Variants in APMAP observed in about 807,000 individuals in gnomAD.
The protein encoded by APMAP is adipocyte plasma membrane associated protein.
Under a neutral mutation model 43.6 loss-of-function variants are expected in APMAP, and 33 were observed. That is an observed-to-expected ratio of 0.76 (90% confidence interval 0.57 to 1.01). The LOEUF (loss-of-function observed/expected upper bound fraction) is 1.01. APMAP is among the 50% of genes least tolerant of loss of function. The pLI is 0.00. For missense variants in APMAP, 498 were observed against 540.7 expected (o/e 0.92, Z 0.78); for synonymous variants, 224 against 216.7 (o/e 1.03, Z -0.30).
At chr20:24,981,392 G>A (rs991399362) in intron 2 of APMAP, among the ~76,000 whole-genome samples, 1 of 152,216 alleles carries the variant, frequency 6.6e-6, no homozygotes, top group South Asian at 2.1e-4. Flanking sequence ...CAACTGCAGA[G>A]AAGTGACCCA....
Position 24,975,502 on chromosome 20 carries a change from T to A in APMAP, c.329-1765A>T, listed in dbSNP as rs112863740. Among the ~76,000 whole-genome samples, 930 of 152,324 alleles carry A rather than the reference T, an allele frequency of 6.1e-3. 15 individuals are homozygous for A. Among genetic ancestry groups the A allele is most frequent in the African/African-American group, 0.022 (906 of 41,582 alleles). ...GAGGTCTATATGAGGAAAACTAGAA[T>A]ATTCTGATGAAAGAAATCAAAGAAC... On this transcript the variant is annotated intron_variant, in intron 3 of 8. Transcript: ENST00000217456.
intron 1 of APMAP, among the ~76,000 whole-genome samples, chr20:24,988,426 A>T (rs1023223350): frequency 6.6e-6 from 1 of 152,236 alleles, no homozygotes; most frequent in Non-Finnish European, 1.5e-5. Flanking sequence ...CCAAACAAAA[A>T]GTCCAGCCAG....
chr20:24,969,368 T>C (rs560049130), intron 7 of APMAP, among the ~76,000 whole-genome samples, 158 bp downstream of exon 7: 1 of 152,238 alleles, frequency 6.6e-6, no homozygotes, highest in East Asian at 1.9e-4. Flanking sequence ...CGACTCGCAA[T>C]GGGAGAAAGA....
chr20:24,966,242 C>A (rs1039831933), intron 8 of APMAP, among the ~76,000 whole-genome samples: 13 of 152,248 alleles, frequency 8.5e-5, no homozygotes, highest in Non-Finnish European at 2.9e-5. Context: ...AGAAGCCACA[C>A]TGAAGGGGCT....
rs763091157 is a variant in APMAP, at chr20:24,970,416, T to C, written c.539-45A>G. 7.1e-6 allele frequency: 11 copies of C among 1,546,882 alleles called. No homozygotes were observed. In the South Asian group the frequency reaches 1.3e-4, roughly 18 times the overall value. On this transcript the variant is annotated intron_variant, in intron 5 of 8. Transcript: ENST00000217456. The stretch of plus-strand genomic sequence containing the variant: ...AAAAAGATTGACTTGAACTAGGAAC[T>C]TCTCAATAATTGCAAAATATTAACC...
intron 2 of APMAP, among the ~76,000 whole-genome samples, chr20:24,980,860 G>A (rs1047460059): frequency 2.7e-4 from 41 of 152,044 alleles, no homozygotes; most frequent in African/African-American, 9.4e-4. Context: ...AGCTTCGCTC[G>A]GCCTCCATCA....
At position 24,968,971 on chromosome 20, in the gene APMAP, G is replaced by A. The variant is rs140655194; in HGVS notation, c.962C>T (p.Ser321Leu). The A allele has an allele frequency of 9.3e-6, 15 of 1,613,932 alleles. No homozygotes were observed. Among genetic ancestry groups the A allele is most frequent in the African/African-American group, 6.7e-5 (5 of 74,980 alleles). Residue 321 changes from serine (S) to leucine (L), a missense_variant, in exon 8 of 9, where the codon TCG becomes TTG. By Grantham distance (145) the Ser-to-Leu change is moderately radical. Transcript: ENST00000217456. ...AAACCCAGGGTTAGGGCGGATGGTC[G>A]ACATGCCCACCCAGTACCCCCCAGA... ...SSSGGYWVGM[S>L]TIRPNPGFSM...
chr20:24,971,593 A>T lies in APMAP; in HGVS notation c.422-17T>A, dbSNP rs1216406547. On this transcript the variant is annotated splice_polypyrimidine_tract_variant and intron_variant, in intron 4 of 8. Coordinates refer to ENST00000217456, the MANE Select transcript of APMAP (RefSeq NM_020531.3). The stretch of plus-strand genomic sequence containing the variant: ...CTCGGGTTTCTAGAAAAACAAACAG[A>T]TGGGGATTGGTAGCTGGTCCCGGAT... 4 of 1,601,584 alleles carry T rather than the reference A, an allele frequency of 2.5e-6. No individual in the cohort carries two copies. The Admixed American group carries it at 5.0e-5, about 20-fold the overall frequency.
chr20:24,989,902 C>A (rs1415071417), intron 1 of APMAP, among the ~76,000 whole-genome samples: 4 of 152,158 alleles, frequency 2.6e-5, no homozygotes, highest in African/African-American at 9.7e-5. Flanking sequence ...GGAAAATGGA[C>A]CTAGCAGACT....
chr20:24,966,267 A>T (rs1157480247), intron 8 of APMAP, among the ~76,000 whole-genome samples: 3 of 152,246 alleles, frequency 2.0e-5, no homozygotes, highest in Non-Finnish European at 4.4e-5. Flanking sequence ...CTGGCCACAG[A>T]TGGGTAATTT....
At chr20:24,968,590 G>A (rs1006408634) in intron 8 of APMAP, among the ~76,000 whole-genome samples, 3 of 149,020 alleles carry the variant, frequency 2.0e-5, no homozygotes, top group African/African-American at 7.3e-5. Context: ...CCAGAGCCAC[G>A]ATGGTGAGGG....
Position 24,969,590 on chromosome 20 carries a change from C to T in APMAP, c.784G>A (p.Val262Ile), listed in dbSNP as rs1297695380. The change falls in exon 7 of 9, where the codon GTC becomes ATC. Residue 262 changes from valine (V) to isoleucine (I), a missense_variant. Physicochemically the swap from Val to Ile is conservative, Grantham distance 29. Transcript: ENST00000217456. ...AAGTCTTCTGCAGGAGACAGCTGGA[C>T]TCCATTCGGGAACCGCAGCTGGTCC... ...LLDQLRFPNGVQLSPAEDFVL... is the reference protein window; with the variant it reads ...LLDQLRFPNGIQLSPAEDFVL... 6.2e-7 allele frequency: 1 copy of T among 1,614,000 alleles called. No individual in the cohort carries two copies. The highest frequency in any genetic ancestry group is 8.5e-7 in the Non-Finnish European group (1 of 1,179,986).
intron 4 of APMAP, among the ~76,000 whole-genome samples, chr20:24,972,369 G>T (rs1275236245): frequency 3.4e-5 from 5 of 148,328 alleles, no homozygotes; most frequent in African/African-American, 1.3e-4. Context: ...ATTGCAGGGT[G>T]TTCACTGTGA....
intron 3 of APMAP, among the ~76,000 whole-genome samples, chr20:24,975,625 T>A (rs919401262): frequency 1.3e-5 from 2 of 152,116 alleles, no homozygotes; most frequent in Admixed American, 6.5e-5. Flanking sequence ...TTCAATGCAA[T>A]CCCAATCAAA....
At chr20:24,965,642 G>C in intron 8 of APMAP, among the ~76,000 whole-genome samples, 1 of 152,250 alleles carries the variant, frequency 6.6e-6, no homozygotes, top group Non-Finnish European at 1.5e-5. Context: ...TACACCCAGG[G>C]ACAGCCCGGT....
intron 3 of APMAP, among the ~76,000 whole-genome samples, chr20:24,977,145 C>A (rs1043891564): frequency 6.6e-6 from 1 of 152,182 alleles, no homozygotes; most frequent in Non-Finnish European, 1.5e-5. Flanking sequence ...TGTATAAAAC[C>A]AAGAGTGAAC....
At chr20:24,981,561 A>C in intron 2 of APMAP, among the ~76,000 whole-genome samples, 1 of 152,162 alleles carries the variant, frequency 6.6e-6, no homozygotes, top group East Asian at 1.9e-4. Context: ...TGAGTTTTAT[A>C]CAGTGCTTCT....
At chr20:24,982,130 G>A (rs988221875) in intron 2 of APMAP, among the ~76,000 whole-genome samples, 3 of 151,914 alleles carry the variant, frequency 2.0e-5, no homozygotes, top group Non-Finnish European at 4.4e-5. Context: ...GCTGAGCCCA[G>A]GAGAGAGGTC....
In APMAP at chr20:24,978,747, C is replaced by CCA; in HGVS notation, c.328+18_328+19dup. 2 of 1,312,712 alleles carry CCA rather than the reference C, an allele frequency of 1.5e-6. No individual in the cohort carries two copies. The highest frequency in any genetic ancestry group is 2.1e-6 in the Non-Finnish European group (2 of 930,798). 81.3% of individuals were successfully genotyped at this position (1,312,712 alleles called of 1,614,324 possible). A position where few individuals can be genotyped will look rare whatever the true frequency, so the allele number is the denominator to read the frequency against. The stretch of plus-strand genomic sequence containing the variant: ...ACAGACAGCCTGGAAGGCTCCCCCC[C>CCA]CACCCAAGCTTAGACTTACCCCCAA... On this transcript the variant is annotated intron_variant, in intron 3 of 8. Transcript: ENST00000217456.
Sources: gnomAD v4.1 joint callset for allele counts (sites outside exome capture counted in the v4.1 genomes callset) on GRCh38, gnomAD v4.1.1 for gene constraint, MANE v1.5 for transcripts, NCBI Gene and HGNC (gene_info 2026-07-23, HGNC 2026-07-21) for gene names.